AQP8: variants seen among roughly 807,000 people sequenced by gnomAD.
AQP8 encodes the protein aquaporin-8.
Under a neutral mutation model 26.1 loss-of-function variants are expected in AQP8, and 14 were observed. The ratio of observed to expected loss-of-function variants is 0.54; its 90% CI spans 0.35 to 0.84. AQP8 has a LOEUF of 0.84. AQP8 is among the 40% of genes least tolerant of loss of function. The pLI, the probability that AQP8 is intolerant of heterozygous loss-of-function variation, is 0.01. For synonymous variants in AQP8, 131 were observed against 150.7 expected (o/e 0.87, Z 0.96); for missense variants, 301 against 340.5 (o/e 0.88, Z 0.91).
In AQP8 at chr16:25,221,671, G is replaced by T. The variant is rs1962564864; in HGVS notation, c.387+88G>T. ...GTGGGTGTGTGTGTGGGACAGTGGG[G>T]AGTGGGGAAATGTCCAATCTTTTGC... On this transcript the variant is annotated intron_variant, in intron 3 of 5. Coordinates refer to ENST00000219660, the MANE Select transcript of AQP8 (RefSeq NM_001169.3). 5 of 1,494,270 alleles carry T rather than the reference G, an allele frequency of 3.3e-6. No homozygotes were observed. The Admixed American group carries it at 9.6e-5, about 29-fold the overall frequency. The allele number at this position is 1,494,270 out of a possible 1,614,324, so 92.6% of individuals were successfully genotyped here. A position where few individuals can be genotyped will look rare whatever the true frequency, so the allele number is the denominator to read the frequency against.
chr16:25,218,754 C>G (rs1300681335), intron 2 of AQP8, among the ~76,000 whole-genome samples: 2 of 151,284 alleles, frequency 1.3e-5, no homozygotes, highest in South Asian at 4.2e-4. Flanking sequence ...GGGGCAGGCA[C>G]CTGTGGTCCC....
At chr16:25,217,641 C>T (rs573430285) in intron 2 of AQP8, among the ~76,000 whole-genome samples, 196 bp downstream of exon 2, 2 of 152,358 alleles carry the variant, frequency 1.3e-5, no homozygotes, top group East Asian at 3.9e-4. Context: ...TTGAGCAAGT[C>T]ATTCTCTTTT....
Position 25,228,480 on chromosome 16 carries a change from G to A in AQP8, c.774G>A (p.Leu258=), listed in dbSNP as rs1349796673. Residue 258 remains leucine (L), a synonymous_variant, in exon 6 of 6, where the codon CTG becomes CTA. Transcript: ENST00000219660. ...GAGATGGGAAGACCCGCCTCATCCT[G>A]AAGGCTCGGTGAAGCAGAGCTCGTG... ...FIGDGKTRLI[L]KAR 6.2e-7 allele frequency: 1 copy of A among 1,613,944 alleles called. No homozygotes were observed. The highest frequency in any genetic ancestry group is 1.7e-5 in the Admixed American group (1 of 59,996).
intron 3 of AQP8, among the ~76,000 whole-genome samples, chr16:25,224,028 T>A (rs1232612107): frequency 6.6e-6 from 1 of 152,142 alleles, no homozygotes; most frequent in Admixed American, 6.5e-5. Flanking sequence ...GGTTTCACCA[T>A]GTTGGCAAGG....
intron 4 of AQP8, 89 bp from the exon 5 acceptor site, chr16:25,226,979 G>A: frequency 6.3e-7 from 1 of 1,587,778 alleles, no homozygotes; most frequent in South Asian, 1.1e-5. Context: ...TCTGGGTGGT[G>A]TGTGACTAGG....
chr16:25,224,608 C>G (rs968399577), intron 4 of AQP8, 32 bp downstream of exon 4: 32 of 1,591,386 alleles, frequency 2.0e-5, no homozygotes, highest in Non-Finnish European at 2.7e-5. Context: ...GGTGACCATG[C>G]CCAGATCTGT....
chr16:25,228,502 C>T lies in AQP8; in HGVS notation c.*10C>T, dbSNP rs746855970. On this transcript the variant is annotated 3_prime_UTR_variant, in exon 6 of 6. Coordinates refer to ENST00000219660, the MANE Select transcript of AQP8 (RefSeq NM_001169.3). ...CCTGAAGGCTCGGTGAAGCAGAGCT[C>T]GTGGGATTCCTGCTGCTCCAGGTGT... 21 of 1,613,816 alleles carry T rather than the reference C, an allele frequency of 1.3e-5. No individual in the cohort carries two copies. Among genetic ancestry groups the T allele is most frequent in the East Asian group, 1.1e-4 (5 of 44,892 alleles).
chr16:25,225,877 C>T (rs896356939), intron 4 of AQP8, among the ~76,000 whole-genome samples: 1 of 152,096 alleles, frequency 6.6e-6, no homozygotes, highest in African/African-American at 2.4e-5. Flanking sequence ...CAACAAGGGC[C>T]TCATCTGGAC....
intron 2 of AQP8, among the ~76,000 whole-genome samples, chr16:25,220,735 A>G (rs1480075340): frequency 6.6e-6 from 1 of 152,182 alleles, no homozygotes; most frequent in Non-Finnish European, 1.5e-5. Flanking sequence ...AGGAGGTCTT[A>G]TTCAGGGCCT....
At chr16:25,227,044 A>T (rs760906472) in intron 4 of AQP8, 24 bp from the exon 5 acceptor site, 1 of 1,613,154 alleles carries the variant, frequency 6.2e-7, no homozygotes, top group Non-Finnish European at 8.5e-7. Context: ...GATCCTGGTG[A>T]CCTTGGTGCC....
At chr16:25,222,265 T>C (rs995947943) in intron 3 of AQP8, among the ~76,000 whole-genome samples, 3 of 152,208 alleles carry the variant, frequency 2.0e-5, no homozygotes, top group Non-Finnish European at 2.9e-5. Context: ...GAGACCTTTG[T>C]TCACTTGTTT....
At chr16:25,227,297 G>A (rs1962649220) in intron 5 of AQP8, 95 bp downstream of exon 5, 2 of 1,527,018 alleles carry the variant, frequency 1.3e-6, no homozygotes, top group African/African-American at 1.4e-5. Context: ...TCTCACTTGG[G>A]TTTGGAAGAG....
intron 5 of AQP8, 104 bp from the exon 6 acceptor site, chr16:25,228,340 G>A: frequency 9.8e-7 from 1 of 1,019,946 alleles, no homozygotes; most frequent in Non-Finnish European, 1.5e-6. Flanking sequence ...AGGCTGGGGA[G>A]GCTCAGGAAG....
At chr16:25,227,577 C>T (rs188354863) in intron 5 of AQP8, among the ~76,000 whole-genome samples, 1 of 152,052 alleles carries the variant, frequency 6.6e-6, no homozygotes, top group Admixed American at 6.5e-5. Context: ...GCAACCTCCG[C>T]CCCCGGGTTC....
Position 25,216,954 on chromosome 16 carries a change from C to T in AQP8, c.-92C>T. 3 of 1,558,748 alleles carry T rather than the reference C, an allele frequency of 1.9e-6. No homozygotes were observed. Among genetic ancestry groups the T allele is most frequent in the Non-Finnish European group, 2.6e-6 (3 of 1,141,522 alleles). On this transcript the variant is annotated 5_prime_UTR_variant, in exon 1 of 6. Coordinates refer to ENST00000219660, the MANE Select transcript of AQP8 (RefSeq NM_001169.3). ...AGAGCCCATAGTGTGATCAGCAGGT[C>T]CTGTCCCTAGGAGATAAGAGTATCT...
intron 4 of AQP8, 123 bp downstream of exon 4, chr16:25,224,699 G>A: frequency 2.0e-6 from 2 of 1,021,378 alleles, no homozygotes; most frequent in Non-Finnish European, 2.8e-6. Context: ...CTGCAAATGG[G>A]GAGGGGGGCT....
At chr16:25,223,413 T>C (rs550281985) in intron 3 of AQP8, among the ~76,000 whole-genome samples, 55 of 152,324 alleles carry the variant, frequency 3.6e-4, no homozygotes, top group African/African-American at 1.3e-3. Context: ...GAGTAAGGTA[T>C]TTTTAGCCAC....
In AQP8 at chr16:25,228,430, C is replaced by A; in HGVS notation, c.738-14C>A. ...CTCCGGGGCAGAGACCTTACTGGGT[C>A]ATCTTTCTTGCAGGTGCTTCATTGG... On this transcript the variant is annotated splice_polypyrimidine_tract_variant and intron_variant, in intron 5 of 5. Transcript: ENST00000219660. 1 of 1,613,808 alleles carries A rather than the reference C, an allele frequency of 6.2e-7. No individual in the cohort carries two copies. The highest frequency in any genetic ancestry group is 1.1e-5 in the South Asian group (1 of 91,040).
At chr16:25,221,960 G>A (rs1231324332) in intron 3 of AQP8, among the ~76,000 whole-genome samples, 1 of 152,048 alleles carries the variant, frequency 6.6e-6, no homozygotes, top group African/African-American at 2.4e-5. Context: ...TAGAGACGGG[G>A]TTTCATCATG....
Sources: gnomAD v4.1 joint callset for allele counts (sites outside exome capture counted in the v4.1 genomes callset) on GRCh38, gnomAD v4.1.1 for gene constraint, MANE v1.5 for transcripts, NCBI Gene and HGNC (gene_info 2026-07-23, HGNC 2026-07-21) for gene names.